ANTXR1: variants seen among roughly 807,000 people sequenced by gnomAD.
ANTXR1 encodes the protein anthrax toxin receptor 1.
ANTXR1 carries 19 observed loss-of-function variants against 78.1 expected under a neutral mutation model. That is an observed-to-expected ratio of 0.24 (90% confidence interval 0.17 to 0.36). The LOEUF (loss-of-function observed/expected upper bound fraction) is 0.36, where lower values mean the gene tolerates loss of function less well. ANTXR1 is among the 10% of genes least tolerant of loss of function. The probability of loss-of-function intolerance (pLI) is 1.00; values close to 1 mark genes in which losing one functional copy is unlikely to be tolerated. For synonymous variants in ANTXR1, 273 were observed against 260.5 expected (o/e 1.05, Z -0.46); for missense variants, 518 against 718.6 (o/e 0.72, Z 3.19).
intron 1 of ANTXR1, among the ~76,000 whole-genome samples, chr2:69,038,361 C>G (rs1669509195): frequency 6.6e-6 from 1 of 152,142 alleles, no homozygotes; most frequent in Non-Finnish European, 1.5e-5. Flanking sequence ...AATATCATCT[C>G]AAATTAGCCA....
chr2:69,164,989 G>A (rs1673787914), intron 13 of ANTXR1, among the ~76,000 whole-genome samples: 1 of 152,178 alleles, frequency 6.6e-6, no homozygotes, highest in Admixed American at 6.5e-5. Context: ...AGAGGTATGG[G>A]GCTCCAGGAA....
intron 17 of ANTXR1, among the ~76,000 whole-genome samples, chr2:69,240,195 C>T (rs116959680): frequency 2.6e-5 from 4 of 152,334 alleles, no homozygotes; most frequent in African/African-American, 4.8e-5. Flanking sequence ...CTCGGAGCTC[C>T]GGTGTGTGAG....
chr2:69,065,714 TC>T (rs1413743058), intron 3 of ANTXR1, among the ~76,000 whole-genome samples: 1 of 152,196 alleles, frequency 6.6e-6, no homozygotes, highest in Non-Finnish European at 1.5e-5. Flanking sequence ...TAGGTAAAAG[TC>T]CCAAAGAGAC....
chr2:69,132,136 C>T (rs1196208627), intron 12 of ANTXR1, among the ~76,000 whole-genome samples: 1 of 152,216 alleles, frequency 6.6e-6, no homozygotes, highest in Admixed American at 6.5e-5. Context: ...ACCCAGGGAA[C>T]ATTGGCATGG....
In ANTXR1 at chr2:69,170,462, C is replaced by T. The variant is rs11896133; in HGVS notation, c.1089+173C>T. On this transcript the variant is annotated intron_variant, in intron 14 of 17. Coordinates refer to ENST00000303714, the MANE Select transcript of ANTXR1 (RefSeq NM_032208.3). The stretch of plus-strand genomic sequence containing the variant: ...GAGGAAACTGTCTGGCCTTTCCTAA[C>T]CAGGGATGAACAAGAAACTGAACTA... Among the ~76,000 whole-genome samples, 2,218 of 152,246 alleles carry T rather than the reference C, an allele frequency of 0.015. 44 individuals are homozygous for T. Among genetic ancestry groups the T allele is most frequent in the African/African-American group, 0.05 (2,084 of 41,530 alleles).
chr2:69,221,002 G>A (rs1301997861), intron 17 of ANTXR1, among the ~76,000 whole-genome samples: 1 of 152,210 alleles, frequency 6.6e-6, no homozygotes, highest in Non-Finnish European at 1.5e-5. Flanking sequence ...TTAAGGAATA[G>A]AGGAGATGGA....
At chr2:69,194,013 G>A (rs1674605554) in intron 17 of ANTXR1, among the ~76,000 whole-genome samples, 2 of 152,234 alleles carry the variant, frequency 1.3e-5, no homozygotes, top group South Asian at 4.1e-4. Flanking sequence ...AGTCCTGAAA[G>A]ATAGAGCCAG....
rs1209845035 is a variant in ANTXR1 at position 69,182,651 on chromosome 2, T to C, written c.1344T>C (p.Ser448=). 6.2e-7 allele frequency: 1 copy of C among 1,614,118 alleles called. No homozygotes were observed. Among genetic ancestry groups the C allele is most frequent in the Admixed American group, 1.7e-5 (1 of 60,016 alleles). ...RRPSSPRKWY[S]PIKGKLDALW... The stretch of plus-strand genomic sequence containing the variant: ...CTTCTTCCCCCCGGAAGTGGTACTC[T>C]CCAATCAAGGTGTGTCTCTTTACTC... The change falls in exon 16 of 18, where the codon TCT becomes TCC. Residue 448 remains serine (S), a synonymous_variant. Coordinates refer to ENST00000303714, the MANE Select transcript of ANTXR1 (RefSeq NM_032208.3).
chr2:69,206,967 C>A (rs1674920131), intron 17 of ANTXR1, among the ~76,000 whole-genome samples: 2 of 152,214 alleles, frequency 1.3e-5, no homozygotes, highest in Non-Finnish European at 2.9e-5. Flanking sequence ...CCTTAAGCAA[C>A]ATGAAGGCTT....
At chr2:69,163,086 T>A (rs904523657) in intron 13 of ANTXR1, among the ~76,000 whole-genome samples, 1 of 152,212 alleles carries the variant, frequency 6.6e-6, no homozygotes, top group African/African-American at 2.4e-5. Flanking sequence ...TATGGCTCTT[T>A]ACCTTGATTT....
chr2:69,144,373 C>A (rs1214518844), intron 12 of ANTXR1, among the ~76,000 whole-genome samples: 1 of 152,194 alleles, frequency 6.6e-6, no homozygotes, highest in Non-Finnish European at 1.5e-5. Context: ...GTAATTAGAA[C>A]AAGCAGATTG....
At chr2:69,211,927 CT>C (rs1414435687) in intron 17 of ANTXR1, among the ~76,000 whole-genome samples, 2 of 152,208 alleles carry the variant, frequency 1.3e-5, no homozygotes, top group Non-Finnish European at 2.9e-5. Flanking sequence ...CCAAATTATG[CT>C]GTTCCTTCTC....
At chr2:69,103,369 A>G in intron 10 of ANTXR1, 1 of 278,014 alleles carries the variant, frequency 3.6e-6, no homozygotes, top group East Asian at 8.4e-5. Context: ...TGGGACTCTT[A>G]AGGGTAAGTG....
intron 8 of ANTXR1, among the ~76,000 whole-genome samples, chr2:69,081,439 G>A (rs904640904): frequency 6.6e-6 from 1 of 152,184 alleles, no homozygotes; most frequent in African/African-American, 2.4e-5. Flanking sequence ...CCTTCAAGAG[G>A]AAGTACTTAT....
chr2:69,241,356 G>A (rs916515384), intron 17 of ANTXR1, among the ~76,000 whole-genome samples: 1 of 152,118 alleles, frequency 6.6e-6, no homozygotes, highest in South Asian at 2.1e-4. Flanking sequence ...AAATGTTACC[G>A]TGTTTATGCT....
chr2:69,070,285 T>A (rs1360839226), intron 3 of ANTXR1, among the ~76,000 whole-genome samples: 1 of 152,230 alleles, frequency 6.6e-6, no homozygotes, highest in East Asian at 1.9e-4. Context: ...CACCTCTTTC[T>A]GGCTCACATG....
At chr2:69,191,460 A>T (rs12621949) in intron 16 of ANTXR1, among the ~76,000 whole-genome samples, 49,318 of 152,122 alleles carry the variant, frequency 0.32, 9,667 homozygotes, top group East Asian at 0.48. Flanking sequence ...CAGCACTGTC[A>T]TTCAAAGACC....
intron 13 of ANTXR1, among the ~76,000 whole-genome samples, chr2:69,152,830 A>G (rs1438802433): frequency 6.6e-6 from 1 of 152,168 alleles, no homozygotes; most frequent in Non-Finnish European, 1.5e-5. Context: ...CTTTGGCTAC[A>G]AGATCAATAA....
chr2:69,062,738 G>A lies in ANTXR1; in HGVS notation c.297-7909G>A, dbSNP rs545623575. Among the ~76,000 whole-genome samples, 133 of 152,218 alleles carry A rather than the reference G, an allele frequency of 8.7e-4. 1 individual carries two copies. The highest frequency in any genetic ancestry group is 2.9e-3 in the African/African-American group (121 of 41,524). On this transcript the variant is annotated intron_variant, in intron 3 of 17. Coordinates refer to ENST00000303714, the MANE Select transcript of ANTXR1 (RefSeq NM_032208.3). Reference sequence around the variant, plus strand: ...ATTACTCACAATAAAGAAAAACATAGTTAATAGAAACAAACCACAGATGAC... The same window carrying A: ...ATTACTCACAATAAAGAAAAACATAATTAATAGAAACAAACCACAGATGAC...
Sources: allele counts gnomAD v4.1 joint callset (sites outside exome capture counted in the v4.1 genomes callset), GRCh38; gene constraint gnomAD v4.1.1; transcripts MANE v1.5; gene names NCBI Gene and HGNC (gene_info 2026-07-23, HGNC 2026-07-21).